Variants in NDUFA2 observed in about 807,000 individuals in gnomAD.
The protein encoded by NDUFA2 is NADH dehydrogenase [ubiquinone] 1 alpha subcomplex subunit 2.
In NDUFA2, 9 loss-of-function variants were observed where a neutral mutation model predicts 11.4. The observed-to-expected ratio is 0.79, with a 90% CI of 0.48 to 1.38. The LOEUF (loss-of-function observed/expected upper bound fraction) is 1.38. Among genes scored for constraint, NDUFA2 ranks in the 40% most tolerant of loss-of-function variants. NDUFA2 has a pLI of 0.00. For synonymous variants in NDUFA2, 49 were observed against 54.0 expected, an observed-to-expected ratio of 0.91 and a Z score of 0.41; for missense variants, 150 against 131.2, an observed-to-expected ratio of 1.14 and a Z score of -0.70.
At chr5:140,646,982 T>A (rs1757440321) in intron 2 of NDUFA2, 2 of 387,878 alleles carry the variant, frequency 5.2e-6, no homozygotes, top group African/African-American at 4.1e-5. Context: ...TTGACTAACT[T>A]CTCTCCTGTC....
chr5:140,646,862 G>A (rs1233250077), intron 2 of NDUFA2, among the ~76,000 whole-genome samples: 1 of 152,164 alleles, frequency 6.6e-6, no homozygotes. Context: ...GATTAAATGA[G>A]TTAGGCAGGG....
Position 140,645,334 on chromosome 5 carries a change from C to A in NDUFA2, c.*253G>T. On this transcript the variant is annotated 3_prime_UTR_variant, in exon 3 of 3. Coordinates refer to ENST00000252102, the MANE Select transcript of NDUFA2 (RefSeq NM_002488.5). ...GGGCCCTAGAATCCCTGCCCCCCCG[C>A]CACCCTTCATGTTTGCTTCAGCAGC... 1 of 736,942 alleles carries A rather than the reference C, an allele frequency of 1.4e-6. No individual in the cohort carries two copies. The highest frequency in any genetic ancestry group is 1.5e-5 in the South Asian group (1 of 66,478). 45.7% of individuals were successfully genotyped at this position (736,942 alleles called of 1,614,324 possible).
chr5:140,645,499 G>A lies in NDUFA2; in HGVS notation c.*88C>T, dbSNP rs1757342862. The A allele has an allele frequency of 2.6e-6, 4 of 1,516,622 alleles. No individual in the cohort carries two copies. Among genetic ancestry groups the A allele is most frequent in the African/African-American group, 1.4e-5 (1 of 72,922 alleles). 93.9% of individuals were successfully genotyped at this position (1,516,622 alleles called of 1,614,324 possible). A position where few individuals can be genotyped will look rare whatever the true frequency, so the allele number is the denominator to read the frequency against. On this transcript the variant is annotated 3_prime_UTR_variant, in exon 3 of 3. Coordinates refer to ENST00000252102, the MANE Select transcript of NDUFA2 (RefSeq NM_002488.5). ...TATTTTACAGCACAAGCTTTATGAG[G>A]AATAGGAGAACACATTTTTTTCACA... is the stretch of plus-strand genomic sequence containing the variant.
At position 140,647,623 on chromosome 5, in the gene NDUFA2, C is replaced by T; in HGVS notation, c.-40G>A. The T allele has an allele frequency of 6.3e-7, 1 of 1,598,316 alleles. No individual in the cohort carries two copies. Among genetic ancestry groups the T allele is most frequent in the South Asian group, 1.1e-5 (1 of 89,894 alleles). ...AAGTCGCCAATTCCAGGTCTTCAGG[C>T]CAAGTGCTCCGGTCTGACCAACCGC... On this transcript the variant is annotated 5_prime_UTR_variant, in exon 1 of 3. Transcript: ENST00000252102.
chr5:140,647,383 C>T, intron 1 of NDUFA2, 21 bp from the exon 2 acceptor site: 1 of 1,611,220 alleles, frequency 6.2e-7, no homozygotes, highest in Non-Finnish European at 8.5e-7. Flanking sequence ...GGAGAGAGCG[C>T]CGCGCGTGCT....
intron 2 of NDUFA2, 106 bp from the exon 3 acceptor site, chr5:140,645,784 G>A: frequency 5.8e-6 from 9 of 1,539,012 alleles, no homozygotes; most frequent in Non-Finnish European, 8.0e-6. Context: ...GACAGGAAGA[G>A]TATTAAAGAG....
rs1437277419 is a variant in NDUFA2, at chr5:140,647,317, G to A, written c.147C>T (p.Pro49=). ...KRYVELKKAN[P]DLPILIRECS... ...ATTCGCGGATTAGGATGGGTAGGTCGGGATTCGCCTTCTTCAGCTCCACGT... is the reference window on the plus strand; with the variant it reads ...ATTCGCGGATTAGGATGGGTAGGTCAGGATTCGCCTTCTTCAGCTCCACGT... Residue 49 remains proline (P), a synonymous_variant, in exon 2 of 3, where the codon CCC becomes CCT. Transcript: ENST00000252102. 11 of 1,595,862 alleles carry A rather than the reference G, an allele frequency of 6.9e-6. No homozygotes were observed. Among genetic ancestry groups the A allele is most frequent in the Non-Finnish European group, 9.4e-6 (11 of 1,168,742 alleles).
intron 1 of NDUFA2, 54 bp downstream of exon 1, chr5:140,647,429 A>G (rs899047509): frequency 6.2e-7 from 1 of 1,609,430 alleles, no homozygotes; most frequent in African/African-American, 1.3e-5. Flanking sequence ...AGGGAGGTCG[A>G]GGTCGTGACC....
chr5:140,645,640 T>C lies in NDUFA2; in HGVS notation c.247A>G (p.Ser83Gly), dbSNP rs1757349046. The part of the protein sequence containing the change: ...QETNVPLNNF[S>G]ADQVTRALEN... ...AGGGCTCTGGTTACCTGATCAGCAC[T>C]GAAGTTGTTCAAAGGGACATTCGTC... The change falls in exon 3 of 3, where the codon AGT (serine) becomes GGT (glycine). Residue 83 changes from serine (S) to glycine (G), a missense_variant. Physicochemically the swap from Ser to Gly is moderately conservative, Grantham distance 56 (BLOSUM62 0). Coordinates refer to ENST00000252102, the MANE Select transcript of NDUFA2 (RefSeq NM_002488.5). 3 of 1,614,086 alleles carry C rather than the reference T, an allele frequency of 1.9e-6. No individual in the cohort carries two copies. In the African/African-American group the frequency reaches 4.0e-5, roughly 22 times the overall value.
chr5:140,647,397 G>A, intron 1 of NDUFA2, 35 bp from the exon 2 acceptor site: 4 of 1,611,294 alleles, frequency 2.5e-6, no homozygotes, highest in Non-Finnish European at 3.4e-6. Context: ...GCGTGCTGTG[G>A]GCGGGGGCTT....
At chr5:140,646,608 C>T (rs867257216) in intron 2 of NDUFA2, among the ~76,000 whole-genome samples, 1 of 152,108 alleles carries the variant, frequency 6.6e-6, no homozygotes, top group South Asian at 2.1e-4. Context: ...ACATTTATTG[C>T]ATACCTACAA....
At position 140,647,290 on chromosome 5, in the gene NDUFA2, G is replaced by A. The variant is rs751904297; in HGVS notation, c.174C>T (p.Cys58=). 1 of 1,572,704 alleles carries A rather than the reference G, an allele frequency of 6.4e-7. No homozygotes were observed. The highest frequency in any genetic ancestry group is 1.8e-5 in the Admixed American group (1 of 56,534). Residue 58 remains cysteine (C), a synonymous_variant, in exon 2 of 3, where the codon TGC becomes TGT. Coordinates refer to ENST00000252102, the MANE Select transcript of NDUFA2 (RefSeq NM_002488.5). Reference sequence around the variant, plus strand: ...CCCAGAGCTTGGGCTGCACATCGGAGCATTCGCGGATTAGGATGGGTAGGT... The same window carrying A: ...CCCAGAGCTTGGGCTGCACATCGGAACATTCGCGGATTAGGATGGGTAGGT... The part of the protein sequence containing the change: ...NPDLPILIRE[C]SDVQPKLWAR...
intron 1 of NDUFA2, 34 bp downstream of exon 1, chr5:140,647,449 C>G (rs775860662): frequency 6.2e-7 from 1 of 1,606,382 alleles, no homozygotes; most frequent in Non-Finnish European, 8.5e-7. Context: ...CCTGGCGTCC[C>G]GAAGCCCGCC....
intron 2 of NDUFA2, among the ~76,000 whole-genome samples, chr5:140,646,717 G>A (rs1030624260): frequency 1.3e-5 from 2 of 152,148 alleles, no homozygotes; most frequent in Admixed American, 6.5e-5. Context: ...TAAATGTAAA[G>A]GCTCAATCCT....
rs1255776529 is a variant in NDUFA2 at position 140,647,558 on chromosome 5, C to T, written c.26G>A (p.Gly9Glu). The change falls in exon 1 of 3, where the codon GGA becomes GAA. Residue 9 changes from glycine (G) to glutamate (E), a missense_variant. Physicochemically the swap from Gly to Glu is moderately conservative, Grantham distance 98 (BLOSUM62 -2). Transcript: ENST00000252102. MAAAAASR[G>E]VGAKLGLREI... ...ACGCAGGCCCAGCTTTGCCCCGACTCCTCGACTTGCTGCGGCCGCCGCCAT... is the reference window on the plus strand; with the variant it reads ...ACGCAGGCCCAGCTTTGCCCCGACTTCTCGACTTGCTGCGGCCGCCGCCAT... 1.2e-6 allele frequency: 2 copies of T among 1,611,466 alleles called. No individual in the cohort carries two copies. The highest frequency in any genetic ancestry group is 2.7e-5 in the African/African-American group (2 of 74,948).
chr5:140,646,541 C>T (rs1419228620), intron 2 of NDUFA2, among the ~76,000 whole-genome samples: 1 of 152,114 alleles, frequency 6.6e-6, no homozygotes, highest in African/African-American at 2.4e-5. Context: ...CCCGTCATTC[C>T]CAGGGCACCA....
chr5:140,645,814 G>A, intron 2 of NDUFA2, 136 bp from the exon 3 acceptor site: 3 of 1,418,320 alleles, frequency 2.1e-6, no homozygotes, highest in Non-Finnish European at 2.9e-6. Context: ...AAATACATTT[G>A]GTATGCCTAG....
Position 140,645,652 on chromosome 5 carries a change from A to C in NDUFA2, c.235T>G (p.Leu79Val). Residue 79 changes from leucine (L) to valine (V), a missense_variant, in exon 3 of 3, where the codon TTG (leucine) becomes GTG (valine). Physicochemically the swap from Leu to Val is conservative, Grantham distance 32 (BLOSUM62 1). Coordinates refer to ENST00000252102, the MANE Select transcript of NDUFA2 (RefSeq NM_002488.5). Reference sequence around the variant, plus strand: ...ACCTGATCAGCACTGAAGTTGTTCAAAGGGACATTCGTCTCTTGGCCAAAT... The same window carrying C: ...ACCTGATCAGCACTGAAGTTGTTCACAGGGACATTCGTCTCTTGGCCAAAT... ...YAFGQETNVP[L>V]NNFSADQVTR... The C allele has an allele frequency of 6.2e-7, 1 of 1,614,216 alleles. No homozygotes were observed. The highest frequency in any genetic ancestry group is 8.5e-7 in the Non-Finnish European group (1 of 1,180,032).
At chr5:140,647,447 C>T (rs1403087686) in intron 1 of NDUFA2, 36 bp downstream of exon 1, 2 of 1,606,988 alleles carry the variant, frequency 1.2e-6, no homozygotes, top group Admixed American at 3.3e-5. Context: ...ACCCTGGCGT[C>T]CCGAAGCCCG....
Sources: gnomAD v4.1 joint callset for allele counts (sites outside exome capture counted in the v4.1 genomes callset) on GRCh38, gnomAD v4.1.1 for gene constraint, MANE v1.5 for transcripts, NCBI Gene and HGNC (gene_info 2026-07-23, HGNC 2026-07-21) for gene names.